MYO18B: variants seen among roughly 807,000 people sequenced by gnomAD.
The protein encoded by MYO18B is myosin XVIIIB.
In MYO18B, 204 loss-of-function variants were observed where a neutral mutation model predicts 273.0. That is an observed-to-expected ratio of 0.75 (90% CI 0.67 to 0.84). The LOEUF is 0.84. Ranked by LOEUF, MYO18B falls within the 40% of genes least tolerant of loss-of-function variation. The pLI is 0.00. For missense variants in MYO18B, 3,212 were observed against 3,287.6 expected (o/e 0.98, Z 0.56); for synonymous variants, 1,330 against 1,305.7 (o/e 1.02, Z -0.40).
Position 26,023,699 on chromosome 22 carries a change from C to G in MYO18B, c.6471-2746C>G, listed in dbSNP as rs572676135. ...GCAGGCGGTGGATGAGACAGAGCATCCAAGACACTCATTCATCACACCCGC... is the reference window on the plus strand; with the variant it reads ...GCAGGCGGTGGATGAGACAGAGCATGCAAGACACTCATTCATCACACCCGC... On this transcript the variant is annotated intron_variant, in intron 42 of 43. Coordinates refer to ENST00000335473, the MANE Select transcript of MYO18B (RefSeq NM_032608.7). Among the ~76,000 whole-genome samples the G allele has an allele frequency of 1.4e-4, 21 of 152,262 alleles. 2 individuals are homozygous for G. The South Asian group carries it at 4.4e-3, about 32-fold the overall frequency.
In MYO18B at chr22:25,937,193, C is replaced by A. The variant is rs1029926031; in HGVS notation, c.5518-8944C>A. The stretch of plus-strand genomic sequence containing the variant: ...CTGCTTCCTGGGTTCAAGCAGTTCT[C>A]CCATCTCAGCCTCCCGAATAGCTGG... On this transcript the variant is annotated intron_variant, in intron 34 of 43. Coordinates refer to ENST00000335473, the MANE Select transcript of MYO18B (RefSeq NM_032608.7). Among the ~76,000 whole-genome samples, 3 of 151,952 alleles carry A rather than the reference C, an allele frequency of 2.0e-5. No homozygotes were observed. In the East Asian group the frequency reaches 5.8e-4, roughly 29 times the overall value.
intron 10 of MYO18B, among the ~76,000 whole-genome samples, chr22:25,782,921 C>A (rs1036612709): frequency 6.6e-6 from 1 of 152,154 alleles, no homozygotes; most frequent in African/African-American, 2.4e-5. Context: ...ACCACAGACT[C>A]GAGGACAAGG....
chr22:25,981,603 G>A (rs191972587), intron 39 of MYO18B, among the ~76,000 whole-genome samples: 41 of 152,270 alleles, frequency 2.7e-4, no homozygotes, highest in African/African-American at 9.6e-4. Flanking sequence ...AAATTAGCCT[G>A]GTGTGATGGT....
intron 1 of MYO18B, among the ~76,000 whole-genome samples, chr22:25,750,182 C>T (rs114888135): frequency 0.013 from 1,925 of 152,210 alleles, 37 homozygotes; most frequent in East Asian, 0.056. Flanking sequence ...GAGCTGCTGC[C>T]GCAACAGGAG....
intron 11 of MYO18B, among the ~76,000 whole-genome samples, chr22:25,787,614 A>G (rs1174834197): frequency 2.0e-5 from 3 of 152,170 alleles, no homozygotes; most frequent in Non-Finnish European, 4.4e-5. Flanking sequence ...GAGGTGACCA[A>G]GAGCTGGCCA....
chr22:25,940,447 T>C (rs1026055810), intron 34 of MYO18B, among the ~76,000 whole-genome samples: 2 of 152,194 alleles, frequency 1.3e-5, no homozygotes, highest in African/African-American at 2.4e-5. Flanking sequence ...TTATAAATTA[T>C]CCAGTCTCAG....
Position 26,023,494 on chromosome 22 carries a change from TCTA to T in MYO18B, c.6471-2949_6471-2947del, listed in dbSNP as rs1569304578. Among the ~76,000 whole-genome samples, 544 of 150,122 alleles carry T rather than the reference TCTA, an allele frequency of 3.6e-3. 5 individuals carry two copies. Among genetic ancestry groups the T allele is most frequent in the African/African-American group, 0.013 (521 of 40,662 alleles). The stretch of plus-strand genomic sequence containing the variant: ...TCCTCCTCCCTCCTCCTCCTCCTCC[TCTA>T]CCTCCTCCCTCCTCCTCCCTCCTCC... On this transcript the variant is annotated intron_variant, in intron 42 of 43. Coordinates refer to ENST00000335473, the MANE Select transcript of MYO18B (RefSeq NM_032608.7).
chr22:25,794,162 G>C (rs1262245021), intron 11 of MYO18B, among the ~76,000 whole-genome samples: 1 of 151,800 alleles, frequency 6.6e-6, no homozygotes. Flanking sequence ...TCGATCTCCT[G>C]ACCTCGTGAT....
intron 21 of MYO18B, among the ~76,000 whole-genome samples, chr22:25,854,391 C>T (rs6004801): frequency 6.6e-6 from 1 of 152,182 alleles, no homozygotes; most frequent in South Asian, 2.1e-4. Flanking sequence ...GAATCATCCT[C>T]ATTTCACAGC....
At chr22:26,033,015 AT>A (rs1176330750), downstream of MYO18B, among the ~76,000 whole-genome samples, 3 of 152,194 alleles carry the variant, frequency 2.0e-5, no homozygotes, top group African/African-American at 7.2e-5. Context: ...ATACAGAATA[AT>A]TTACTATTCA....
chr22:25,918,568 T>G (rs912738682), intron 33 of MYO18B, among the ~76,000 whole-genome samples: 2 of 152,188 alleles, frequency 1.3e-5, no homozygotes, highest in Non-Finnish European at 1.5e-5. Flanking sequence ...ATGACTGGTC[T>G]GAGATTTTCT....
chr22:25,939,322 T>C (rs2092616844), intron 34 of MYO18B, among the ~76,000 whole-genome samples: 1 of 152,228 alleles, frequency 6.6e-6, no homozygotes, highest in Non-Finnish European at 1.5e-5. Flanking sequence ...ACCCCAATCA[T>C]GTCATCAAGA....
Position 25,768,518 on chromosome 22 carries a change from G to T in MYO18B, c.602G>T (p.Gly201Val), listed in dbSNP as rs1305688632. The part of the protein sequence containing the change: ...KKGETSRTPC[G>V]SQASTEILAP... The stretch of plus-strand genomic sequence containing the variant: ...GGGGAGACCTCTAGGACTCCTTGTG[G>T]CTCCCAGGCCAGCACCGAGATCTTG... The change falls in exon 4 of 44, where the codon GGC becomes GTC. Residue 201 changes from glycine (G) to valine (V), a missense_variant. By Grantham distance (109) the Gly-to-Val change is moderately radical (BLOSUM62 -3). Transcript: ENST00000335473. The T allele has an allele frequency of 3.8e-6, 6 of 1,579,354 alleles. No homozygotes were observed. The Admixed American group carries it at 9.1e-5, about 24-fold the overall frequency.
intron 39 of MYO18B, among the ~76,000 whole-genome samples, chr22:25,968,736 C>T (rs1486817864): frequency 2.0e-5 from 3 of 152,142 alleles, no homozygotes; most frequent in Non-Finnish European, 4.4e-5. Flanking sequence ...ACTTCTGCCT[C>T]TGACTGACTC....
At chr22:25,759,578 T>A (rs1043561107) in intron 1 of MYO18B, among the ~76,000 whole-genome samples, 6 of 152,078 alleles carry the variant, frequency 3.9e-5, no homozygotes, top group Non-Finnish European at 7.4e-5. Context: ...AGATGATGGG[T>A]TGATGGGTGC....
chr22:25,967,739 A>G (rs940334164), intron 39 of MYO18B, among the ~76,000 whole-genome samples: 1 of 152,210 alleles, frequency 6.6e-6, no homozygotes, highest in African/African-American at 2.4e-5. Flanking sequence ...TCATGTAATG[A>G]AAAAGTTTCA....
At chr22:26,063,826 T>C in the MYO18B span, among the ~76,000 whole-genome samples, 566 of 152,324 alleles carry the variant, frequency 3.7e-3, 7 homozygotes, top group African/African-American at 0.013. Flanking sequence ...GTGATAGCAA[T>C]TAAAGCTCTT....
intron 12 of MYO18B, among the ~76,000 whole-genome samples, chr22:25,803,003 C>T (rs1442607630): frequency 6.6e-6 from 1 of 150,378 alleles, no homozygotes; most frequent in Non-Finnish European, 1.5e-5. Context: ...GCTCTGTCGC[C>T]CAGGCTGGAG....
chr22:25,899,384 C>A (rs758925511), intron 29 of MYO18B: 3 of 152,148 alleles, frequency 2.0e-5, no homozygotes, highest in Non-Finnish European at 4.4e-5. Context: ...TGGGAAGCAG[C>A]CTCTTTTAGA....
Sources: gnomAD v4.1 joint callset for allele counts (sites outside exome capture counted in the v4.1 genomes callset) on GRCh38, gnomAD v4.1.1 for gene constraint, MANE v1.5 for transcripts, NCBI Gene and HGNC (gene_info 2026-07-23, HGNC 2026-07-21) for gene names.